Variants in NFE2L1 observed in about 807,000 individuals in gnomAD.
NFE2L1 encodes the protein NFE2 like bZIP transcription factor 1.
NFE2L1 carries 18 observed loss-of-function variants against 61.6 expected under a neutral mutation model. The ratio of observed to expected loss-of-function variants is 0.29; its 90% CI spans 0.20 to 0.43. The LOEUF is 0.43. Among genes scored for constraint, NFE2L1 ranks in the 20% least tolerant of loss-of-function variants. The probability of loss-of-function intolerance (pLI) is 1.00; values close to 1 mark genes in which losing one functional copy is unlikely to be tolerated. For synonymous variants in NFE2L1, 419 were observed against 402.7 expected, an observed-to-expected ratio of 1.04 and a Z score of -0.48; for missense variants, 827 against 973.5, an observed-to-expected ratio of 0.85 and a Z score of 2.00.
At chr17:48,057,644 G>C (rs2037437308) in intron 5 of NFE2L1, 142 bp downstream of exon 5, 1 of 1,069,176 alleles carries the variant, frequency 9.4e-7, no homozygotes, top group East Asian at 2.6e-5. Flanking sequence ...GAAGAAACCT[G>C]TCCAGGTGTG....
chr17:48,053,794 T>C (rs559943149), intron 2 of NFE2L1, among the ~76,000 whole-genome samples: 1 of 151,982 alleles, frequency 6.6e-6, no homozygotes, highest in South Asian at 2.1e-4. Flanking sequence ...GGATGAGATA[T>C]GGGCCAGGAA....
chr17:48,054,691 G>A, intron 2 of NFE2L1: 1 of 1,291,680 alleles, frequency 7.7e-7, no homozygotes, highest in Non-Finnish European at 9.8e-7. Context: ...GGCCCAGGAG[G>A]GAGCTTGCTT....
At chr17:48,056,725 G>C in intron 3 of NFE2L1, 127 bp downstream of exon 3, 1 of 1,223,402 alleles carries the variant, frequency 8.2e-7, no homozygotes, top group African/African-American at 1.5e-5. Flanking sequence ...CTGAATTTCT[G>C]TTTTGGGTTG....
At position 48,061,213 on chromosome 17, in the gene NFE2L1, A is replaced by G. The variant is rs976199565; in HGVS notation, c.*1572A>G. The G allele has an allele frequency of 7.2e-5, 11 of 152,112 alleles. No individual in the cohort carries two copies. The highest frequency in any genetic ancestry group is 2.4e-4 in the African/African-American group (10 of 41,394). The allele number at this position is 152,112 out of a possible 1,614,324, so 9.4% of individuals were successfully genotyped here. ...ATGTCTTTATTTTTAACTGTTTGCC[A>G]CTGCTGCCCTCACCCCTGCCCGGCT... On this transcript the variant is annotated 3_prime_UTR_variant, in exon 6 of 6. Coordinates refer to ENST00000362042, the MANE Select transcript of NFE2L1 (RefSeq NM_003204.3).
chr17:48,058,265 G>A, intron 5 of NFE2L1, 30 bp from the exon 6 acceptor site: 7 of 1,533,188 alleles, frequency 4.6e-6, no homozygotes, highest in Non-Finnish European at 6.1e-6. Context: ...TCAGTTCCTA[G>A]TGAACAGTGG....
At chr17:48,056,297 T>C (rs2144379345) in intron 2 of NFE2L1, 89 bp from the exon 3 acceptor site, 3 of 1,488,216 alleles carry the variant, frequency 2.0e-6, no homozygotes, top group Non-Finnish European at 1.9e-6. Context: ...CAGGACTAAC[T>C]GGGGTGACAC....
At chr17:48,050,472 C>G (rs1032299820) in intron 1 of NFE2L1, 135 bp from the exon 2 acceptor site, 4 of 388,494 alleles carry the variant, frequency 1.0e-5, no homozygotes, top group African/African-American at 8.4e-5. Flanking sequence ...GAGTGAGACT[C>G]TGTCTCAAAA....
At position 48,059,777 on chromosome 17, in the gene NFE2L1, G is replaced by A. The variant is rs898841718; in HGVS notation, c.*136G>A. The A allele has an allele frequency of 5.3e-6, 7 of 1,320,464 alleles. No homozygotes were observed. Among genetic ancestry groups the A allele is most frequent in the East Asian group, 2.5e-5 (1 of 39,466 alleles). 81.8% of individuals were successfully genotyped at this position (1,320,464 alleles called of 1,614,324 possible). On this transcript the variant is annotated 3_prime_UTR_variant, in exon 6 of 6. Coordinates refer to ENST00000362042, the MANE Select transcript of NFE2L1 (RefSeq NM_003204.3). The surrounding 1 kb of genome is among the most constrained non-coding windows in gnomAD (Gnocchi z 6.1). ...ATATCTTCTCAGATGGGATGACTGC[G>A]GGTCAGTGTACAGGAAGAGGCAGGC... is the stretch of plus-strand genomic sequence containing the variant.
chr17:48,051,808 A>T (rs1244611616), intron 2 of NFE2L1, among the ~76,000 whole-genome samples, 180 bp downstream of exon 2: 1 of 151,974 alleles, frequency 6.6e-6, no homozygotes. Flanking sequence ...GGCTGGGAGC[A>T]TTTCCCTGTG....
rs138483150 is a variant in NFE2L1, at chr17:48,050,829, G to A, written c.-290G>A. On this transcript the variant is annotated 5_prime_UTR_variant, in exon 2 of 6. The change creates a new upstream start codon in the 5' untranslated region. Transcript: ENST00000362042. ...GTGGACTGTGGAGAAAGTAAGTCAC[G>A]TGGGCCCTTGAGGACCTGGACTGGG... The A allele has an allele frequency of 1.3e-4, 76 of 592,462 alleles. No homozygotes were observed. In the Middle Eastern group the frequency reaches 1.3e-3, roughly 10 times the overall value. 36.7% of individuals were successfully genotyped at this position (592,462 alleles called of 1,614,324 possible). A position where few individuals can be genotyped will look rare whatever the true frequency, so the allele number is the denominator to read the frequency against.
At position 48,058,432 on chromosome 17, in the gene NFE2L1, C is replaced by G; in HGVS notation, c.1110C>G (p.Gly370=). 1.2e-6 allele frequency: 2 copies of G among 1,614,214 alleles called. No homozygotes were observed. Among genetic ancestry groups the G allele is most frequent in the Non-Finnish European group, 1.7e-6 (2 of 1,180,022 alleles). ...GCCTGCATCAGGCGTCCCTGGGGGG[C>G]TGCAGCCAGGACTTCTTACTCTTCA... is the stretch of plus-strand genomic sequence containing the variant. ...NVSLHQASLG[G]CSQDFLLFSP... The change falls in exon 6 of 6, where the codon GGC becomes GGG. Residue 370 remains glycine (G), a synonymous_variant. Coordinates refer to ENST00000362042, the MANE Select transcript of NFE2L1 (RefSeq NM_003204.3).
At chr17:48,054,497 A>C in intron 2 of NFE2L1, 1 of 781,608 alleles carries the variant, frequency 1.3e-6, no homozygotes, top group Non-Finnish European at 1.7e-6. Flanking sequence ...CTCTCGGCGC[A>C]GCCTAGGTAA....
In NFE2L1 at chr17:48,059,439, C is replaced by G. The variant is rs1428181976; in HGVS notation, c.2117C>G (p.Ser706Cys). Residue 706 changes from serine (S) to cysteine (C), a missense_variant, in exon 6 of 6, where the codon TCC (serine) becomes TGC (cysteine). By Grantham distance (112) the Ser-to-Cys change is moderately radical (BLOSUM62 -1). Transcript: ENST00000362042. This position sits in a 1 kb window ranked among gnomAD's most constrained non-coding sequence, Gnocchi z 6.1. ...CGGGAGAAAGTGGAGTTCCTGCGCT[C>G]CCTGCGACAGATGAAGCAGAAGGTC... ...LLREKVEFLR[S>C]LRQMKQKVQS... 2.5e-6 allele frequency: 4 copies of G among 1,614,166 alleles called. No homozygotes were observed. Among genetic ancestry groups the G allele is most frequent in the Non-Finnish European group, 2.5e-6 (3 of 1,180,040 alleles).
At chr17:48,054,472 G>T (rs764502939) in intron 2 of NFE2L1, 3 of 615,142 alleles carry the variant, frequency 4.9e-6, no homozygotes, top group Non-Finnish European at 6.9e-6. Flanking sequence ...GCGGAGACTT[G>T]GGGGAGGAGA....
intron 1 of NFE2L1, among the ~76,000 whole-genome samples, chr17:48,049,427 T>C (rs1037024331): frequency 2.0e-5 from 3 of 152,154 alleles, no homozygotes; most frequent in African/African-American, 7.2e-5. Context: ...AGTTTTGCTC[T>C]TGTTGCCCAG....
intron 2 of NFE2L1, chr17:48,054,888 C>T (rs772878128): frequency 7.3e-7 from 1 of 1,366,338 alleles, no homozygotes; most frequent in Non-Finnish European, 9.4e-7. Flanking sequence ...GCGGGGCACC[C>T]TCCTCAGGCC....
In NFE2L1 at chr17:48,052,068, C is replaced by T. The variant is rs568598577; in HGVS notation, c.510+440C>T. On this transcript the variant is annotated intron_variant, in intron 2 of 5. Coordinates refer to ENST00000362042, the MANE Select transcript of NFE2L1 (RefSeq NM_003204.3). ...CTGAAGTTCTCCTTTGTGGCGAGGC[C>T]TGTTGTTGTATTGTCCTGATAATTC... is the stretch of plus-strand genomic sequence containing the variant. 1.9e-3 allele frequency among the ~76,000 whole-genome samples: 294 copies of T among 152,242 alleles called. 2 individuals carry two copies. The highest frequency in any genetic ancestry group is 6.9e-3 in the African/African-American group (286 of 41,512).
At chr17:48,050,472 C>CT in intron 1 of NFE2L1, 135 bp from the exon 2 acceptor site, 1 of 388,610 alleles carries the variant, frequency 2.6e-6, no homozygotes. Flanking sequence ...GAGTGAGACT[C>CT]TGTCTCAAAA....
chr17:48,051,443 C>T lies in NFE2L1; in HGVS notation c.325C>T (p.Pro109Ser). The T allele has an allele frequency of 6.2e-7, 1 of 1,614,194 alleles. No homozygotes were observed. ...AAATGCCTGGCTGGTTCACCGAGAC[C>T]CAGAGGGGTCTGTCTCTGGCAGTCA... ...EVNAWLVHRD[P>S]EGSVSGSQPN... Residue 109 changes from proline (P) to serine (S), a missense_variant, in exon 2 of 6, where the codon CCA (proline) becomes TCA (serine). Transcript: ENST00000362042.
Sources: allele counts gnomAD v4.1 joint callset (sites outside exome capture counted in the v4.1 genomes callset), GRCh38; gene constraint gnomAD v4.1.1; non-coding constraint Gnocchi (gnomAD v3.1); transcripts MANE v1.5; gene names NCBI Gene and HGNC (gene_info 2026-07-23, HGNC 2026-07-21).